Variants in NES observed in about 807,000 individuals in gnomAD.
The protein encoded by NES is nestin.
Under a neutral mutation model 35.6 loss-of-function variants are expected in NES, and 27 were observed. The ratio of observed to expected loss-of-function variants is 0.76; its 90% CI spans 0.56 to 1.04. NES has a LOEUF of 1.04. Ranked by LOEUF, NES falls within the 50% of genes least tolerant of loss-of-function variation. The pLI is 0.00. For missense variants in NES, 1,867 were observed against 1,983.6 expected, an observed-to-expected ratio of 0.94 and a Z score of 1.12; for synonymous variants, 822 against 824.2, an observed-to-expected ratio of 1.00 and a Z score of 0.04.
chr1:156,671,853 G>A lies in NES; in HGVS notation c.2335C>T (p.Pro779Ser). 6.2e-7 allele frequency: 1 copy of A among 1,613,826 alleles called. No individual in the cohort carries two copies. The highest frequency in any genetic ancestry group is 1.3e-5 in the African/African-American group (1 of 74,970). The change falls in exon 4 of 4, where the codon CCC becomes TCC. Residue 779 changes from proline to serine, a missense_variant. Coordinates refer to ENST00000368223, the MANE Select transcript of NES (RefSeq NM_006617.2). Reference protein sequence around the residue: ...LGEQDQMTLRPPEKVDLEPLK... With the variant: ...LGEQDQMTLRSPEKVDLEPLK... ...GGTTCTAGATCCACTTTTTCTGGGG[G>A]TCTTAATGTCATCTGATCCTGTTCC...
In NES at chr1:156,677,019, G is replaced by A; in HGVS notation, c.246C>T (p.Asp82=). ...REKHAAEVAR[D]NLAEELEGVA... ...CGCCCTCCAGCTCTTCAGCCAGGTTGTCGCGCGCCACCTCGGCCGCGTGCT... is the reference window on the plus strand; with the variant it reads ...CGCCCTCCAGCTCTTCAGCCAGGTTATCGCGCGCCACCTCGGCCGCGTGCT... The change falls in exon 1 of 4, where the codon GAC becomes GAT. Residue 82 remains aspartate (D), a synonymous_variant. Coordinates refer to ENST00000368223, the MANE Select transcript of NES (RefSeq NM_006617.2). This position sits in a 1 kb window ranked among gnomAD's most constrained non-coding sequence, Gnocchi z 4.5. 6.3e-7 allele frequency: 1 copy of A among 1,586,500 alleles called. No homozygotes were observed. The highest frequency in any genetic ancestry group is 1.1e-5 in the South Asian group (1 of 88,504).
rs1248072267 is a variant in NES at position 156,672,831 on chromosome 1, C to G, written c.1357G>C (p.Glu453Gln). 1 of 1,613,778 alleles carries G rather than the reference C, an allele frequency of 6.2e-7. No individual in the cohort carries two copies. The highest frequency in any genetic ancestry group is 8.5e-7 in the Non-Finnish European group (1 of 1,180,038). Residue 453 changes from glutamate (E) to glutamine (Q), a missense_variant, in exon 4 of 4, where the codon GAG becomes CAG. Transcript: ENST00000368223. ...TCTGGGGACTGGCCTGTACTGGCCTCTTGCCGCTGGCCCCCAGGCTCCTCT... is the reference window on the plus strand; with the variant it reads ...TCTGGGGACTGGCCTGTACTGGCCTGTTGCCGCTGGCCCCCAGGCTCCTCT... Reference protein sequence around the residue: ...GPEEPGGQRQEASTGQSPEDH... With the variant: ...GPEEPGGQRQQASTGQSPEDH...
At chr1:156,675,436 C>T in intron 1 of NES, 96 bp from the exon 2 acceptor site, 1 of 1,400,358 alleles carries the variant, frequency 7.1e-7, no homozygotes, top group East Asian at 2.4e-5. Context: ...GGAAGCACCT[C>T]CTGCTCCCTG....
At chr1:156,673,775 G>A (rs1473447587) in intron 2 of NES, among the ~76,000 whole-genome samples, 2 of 152,114 alleles carry the variant, frequency 1.3e-5, no homozygotes, top group Non-Finnish European at 2.9e-5. Context: ...AGACATAGAA[G>A]CAGATTCCCA....
In NES at chr1:156,672,082, A is replaced by G. The variant is rs771435441; in HGVS notation, c.2106T>C (p.Ser702=). 2.5e-6 allele frequency: 4 copies of G among 1,612,206 alleles called. No homozygotes were observed. The highest frequency in any genetic ancestry group is 3.4e-6 in the Non-Finnish European group (4 of 1,179,662). The change falls in exon 4 of 4, where the codon TCT becomes TCC. Residue 702 remains serine, a synonymous_variant. Coordinates refer to ENST00000368223, the MANE Select transcript of NES (RefSeq NM_006617.2). ...AGGCCTCTTTGTTCTCATCTTCAAG[A>G]GACCTCAGGGGTTCCTGATTCTCCT... The part of the protein sequence containing the change: ...LTKENQEPLR[S]LEDENKEAFR...
In NES at chr1:156,669,701, G is replaced by A; in HGVS notation, c.4487C>T (p.Ser1496Phe). 1.2e-6 allele frequency: 2 copies of A among 1,613,984 alleles called. No homozygotes were observed. The highest frequency in any genetic ancestry group is 1.7e-6 in the Non-Finnish European group (2 of 1,179,892). The change falls in exon 4 of 4, where the codon TCT (serine) becomes TTT (phenylalanine). Residue 1496 changes from serine to phenylalanine, a missense_variant. Physicochemically the swap from Ser to Phe is radical, Grantham distance 155. Coordinates refer to ENST00000368223, the MANE Select transcript of NES (RefSeq NM_006617.2). Reference sequence around the variant, plus strand: ...AGGGTCAGACTCTTCCTCTGAGCCAGAAGGCTCAGCACTGTCCTGGGACTC... The same window carrying A: ...AGGGTCAGACTCTTCCTCTGAGCCAAAAGGCTCAGCACTGTCCTGGGACTC... ...ETESQDSAEP[S>F]GSEEESDPVS...
At position 156,670,860 on chromosome 1, in the gene NES, C is replaced by CG; in HGVS notation, c.3327_3328insC (p.Asp1110ArgfsTer32). The stretch of plus-strand genomic sequence containing the variant: ...TCTTCCCTGGTCAGATGGCCTGGGT[C>CG]CCCCAGCCCTCCCACCCCCTGCCCC... On this transcript the variant is annotated frameshift_variant, in exon 4 of 4. Coordinates refer to ENST00000368223, the MANE Select transcript of NES (RefSeq NM_006617.2). LOFTEE classifies it low-confidence loss of function (END_TRUNC). 3.1e-6 allele frequency: 5 copies of CG among 1,610,526 alleles called. No homozygotes were observed. Among genetic ancestry groups the CG allele is most frequent in the Non-Finnish European group, 4.2e-6 (5 of 1,177,540 alleles).
chr1:156,673,189 C>T lies in NES; in HGVS notation c.999G>A (p.Leu333=). 1 of 1,519,318 alleles carries T rather than the reference C, an allele frequency of 6.6e-7. No homozygotes were observed. Among genetic ancestry groups the T allele is most frequent in the Non-Finnish European group, 8.8e-7 (1 of 1,133,552 alleles). The allele number at this position is 1,519,318 out of a possible 1,614,324, so 94.1% of individuals were successfully genotyped here. ...SLSFQDPKLE[L]QFPRTPEGRR... ...GGCCCTCTGGGGTCCTAGGGAATTG[C>T]AGCTCCAGCTTGGGGTCTGGAAAGG... Residue 333 remains leucine (L), a synonymous_variant, in exon 4 of 4, where the codon CTG becomes CTA. Transcript: ENST00000368223.
rs1274185017 is a variant in NES, at chr1:156,672,905, A to G, written c.1283T>C (p.Leu428Pro). 27 of 1,613,796 alleles carry G rather than the reference A, an allele frequency of 1.7e-5. No individual in the cohort carries two copies. The highest frequency in any genetic ancestry group is 2.2e-5 in the Non-Finnish European group (26 of 1,180,028). ...QGGRKQAPEPLRAEARVAIPA... is the reference protein window; with the variant it reads ...QGGRKQAPEPPRAEARVAIPA... ...AATGGCCACCCTGGCTTCAGCCCGC[A>G]GGGGCTCTGGAGCCTGTTTCCTCCC... is the stretch of plus-strand genomic sequence containing the variant. Residue 428 changes from leucine (L) to proline (P), a missense_variant, in exon 4 of 4, where the codon CTG (leucine) becomes CCG (proline). By Grantham distance (98) the Leu-to-Pro change is moderately conservative (BLOSUM62 -3). Coordinates refer to ENST00000368223, the MANE Select transcript of NES (RefSeq NM_006617.2).
In NES at chr1:156,672,918, C is replaced by A. The variant is rs1207036665; in HGVS notation, c.1270G>T (p.Ala424Ser). The A allele has an allele frequency of 6.2e-7, 1 of 1,614,024 alleles. No homozygotes were observed. The highest frequency in any genetic ancestry group is 8.5e-7 in the Non-Finnish European group (1 of 1,180,022). Residue 424 changes from alanine (A) to serine (S), a missense_variant, in exon 4 of 4, where the codon GCT (alanine) becomes TCT (serine). Coordinates refer to ENST00000368223, the MANE Select transcript of NES (RefSeq NM_006617.2). The stretch of plus-strand genomic sequence containing the variant: ...GCTTCAGCCCGCAGGGGCTCTGGAG[C>A]CTGTTTCCTCCCACCCTGTGTCTGG... ...LLQTQGGRKQ[A>S]PEPLRAEARV...
rs1273547545 is a variant in NES, at chr1:156,670,413, C to A, written c.3775G>T (p.Val1259Leu). The A allele has an allele frequency of 6.4e-7, 1 of 1,573,346 alleles. No individual in the cohort carries two copies. Among genetic ancestry groups the A allele is most frequent in the African/African-American group, 1.4e-5 (1 of 73,644 alleles). Residue 1259 changes from valine (V) to leucine (L), a missense_variant, in exon 4 of 4, where the codon GTA (valine) becomes TTA (leucine). Physicochemically the swap from Val to Leu is conservative, Grantham distance 32 (BLOSUM62 1). Transcript: ENST00000368223. ...VQGRAEALGK[V>L]ESEQEELGSG... The stretch of plus-strand genomic sequence containing the variant: ...CCCAACTCCTCCTGCTCGCTCTCTA[C>A]TTTCCCCAGGGCTTCAGCCCTCCCC...
rs762235464 is a variant in NES, at chr1:156,672,836, C to T, written c.1352G>A (p.Arg451Gln). The stretch of plus-strand genomic sequence containing the variant: ...GGACTGGCCTGTACTGGCCTCTTGC[C>T]GCTGGCCCCCAGGCTCCTCTGGTCC... ...LPGPEEPGGQ[R>Q]QEASTGQSPE... The change falls in exon 4 of 4, where the codon CGG becomes CAG. Residue 451 changes from arginine (R) to glutamine (Q), a missense_variant. Physicochemically the swap from Arg to Gln is conservative, Grantham distance 43 (BLOSUM62 1). Transcript: ENST00000368223. 1.1e-5 allele frequency: 17 copies of T among 1,613,764 alleles called. No homozygotes were observed. Among genetic ancestry groups the T allele is most frequent in the East Asian group, 4.5e-5 (2 of 44,890 alleles).
rs771427182 is a variant in NES, at chr1:156,669,465, G to A, written c.4723C>T (p.Arg1575Ter). 14 of 1,612,846 alleles carry A rather than the reference G, an allele frequency of 8.7e-6. No homozygotes were observed. Among genetic ancestry groups the A allele is most frequent in the South Asian group, 2.2e-5 (2 of 90,954 alleles). ...QGMPLVSEGDRGSPFQEEEGS... is the reference protein window; with the variant it reads ...QGMPLVSEGD ...TCCTCCTCCTGAAAGGGGCTCCCTCGGTCTCCCTCAGAGACTAGCGGCATT... is the reference window on the plus strand; with the variant it reads ...TCCTCCTCCTGAAAGGGGCTCCCTCAGTCTCCCTCAGAGACTAGCGGCATT... The change falls in exon 4 of 4, where the codon CGA becomes TGA. Residue 1575 changes from arginine (R) to a stop codon, truncating the protein, a stop_gained. Coordinates refer to ENST00000368223, the MANE Select transcript of NES (RefSeq NM_006617.2). LOFTEE classifies it low-confidence loss of function (END_TRUNC).
Position 156,672,821 on chromosome 1 carries a change from G to T in NES, c.1367C>A (p.Thr456Lys). ...EPGGQRQEAS[T>K]GQSPEDHASL... is the part of the protein sequence containing the mutation. The stretch of plus-strand genomic sequence containing the variant: ...GGCATGGTCCTCTGGGGACTGGCCT[G>T]TACTGGCCTCTTGCCGCTGGCCCCC... The change falls in exon 4 of 4, where the codon ACA (threonine) becomes AAA (lysine). Residue 456 changes from threonine (T) to lysine (K), a missense_variant. Transcript: ENST00000368223. 6.2e-7 allele frequency: 1 copy of T among 1,613,826 alleles called. No individual in the cohort carries two copies. The highest frequency in any genetic ancestry group is 8.5e-7 in the Non-Finnish European group (1 of 1,180,040).
rs760452944 is a variant in NES, at chr1:156,677,272, G to C, written c.-8C>G. ...CCCCATGCAGCCCTCCATCCTGCTC[G>C]TCTGACCCACTGAGGATGGACAGAC... On this transcript the variant is annotated 5_prime_UTR_variant, in exon 1 of 4. Transcript: ENST00000368223. This position sits in a 1 kb window ranked among gnomAD's most constrained non-coding sequence, Gnocchi z 4.5. The C allele has an allele frequency of 6.2e-7, 1 of 1,607,524 alleles. No homozygotes were observed. The highest frequency in any genetic ancestry group is 1.7e-5 in the Admixed American group (1 of 58,794).
At chr1:156,674,447 C>T (rs1679798311) in intron 2 of NES, among the ~76,000 whole-genome samples, 2 of 152,176 alleles carry the variant, frequency 1.3e-5, no homozygotes, top group African/African-American at 4.8e-5. Context: ...GCCTCACTGA[C>T]CTTCCATCTC....
Position 156,677,056 on chromosome 1 carries a change from C to G in NES, c.209G>C (p.Arg70Pro). 2 of 1,596,652 alleles carry G rather than the reference C, an allele frequency of 1.3e-6. No homozygotes were observed. The highest frequency in any genetic ancestry group is 8.5e-7 in the Non-Finnish European group (1 of 1,173,778). The change falls in exon 1 of 4, where the codon CGC (arginine) becomes CCC (proline). Residue 70 changes from arginine (R) to proline (P), a missense_variant. By Grantham distance (103) the Arg-to-Pro change is moderately radical. Coordinates refer to ENST00000368223, the MANE Select transcript of NES (RefSeq NM_006617.2). The surrounding 1 kb of genome is among the most constrained non-coding windows in gnomAD (Gnocchi z 4.5). ...LAALRALVDQRWREKHAAEVA... is the reference protein window; with the variant it reads ...LAALRALVDQPWREKHAAEVA... The stretch of plus-strand genomic sequence containing the variant: ...CTCGGCCGCGTGCTTCTCCCGCCAG[C>G]GTTGGTCAACGAGGGCCCGCAGGGC...
rs1477899800 is a variant in NES at position 156,672,085 on chromosome 1, C to T, written c.2103G>A (p.Arg701=). 1.2e-6 allele frequency: 2 copies of T among 1,611,454 alleles called. No individual in the cohort carries two copies. Among genetic ancestry groups the T allele is most frequent in the Admixed American group, 1.7e-5 (1 of 59,348 alleles). The change falls in exon 4 of 4, where the codon AGG becomes AGA. Residue 701 remains arginine, a synonymous_variant. Transcript: ENST00000368223. The stretch of plus-strand genomic sequence containing the variant: ...CCTCTTTGTTCTCATCTTCAAGAGA[C>T]CTCAGGGGTTCCTGATTCTCCTTTG... The part of the protein sequence containing the change: ...PLTKENQEPL[R]SLEDENKEAF...
Position 156,676,904 on chromosome 1 carries a change from A to T in NES, c.361T>A (p.Cys121Ser). 6.4e-7 allele frequency: 1 copy of T among 1,553,066 alleles called. No homozygotes were observed. Among genetic ancestry groups the T allele is most frequent in the Middle Eastern group, 1.8e-4 (1 of 5,528 alleles). The change falls in exon 1 of 4, where the codon TGC becomes AGC. Residue 121 changes from cysteine to serine, a missense_variant. Coordinates refer to ENST00000368223, the MANE Select transcript of NES (RefSeq NM_006617.2). The surrounding 1 kb of genome is among the most constrained non-coding windows in gnomAD (Gnocchi z 5.3). ...RNRRAVEAEK[C>S]ARAWLSSQVA... ...TGGCTACTCAGCCAGGCCCGGGCGCATTTCTCTGCCTCGACGGCGCGCCGG... is the reference window on the plus strand; with the variant it reads ...TGGCTACTCAGCCAGGCCCGGGCGCTTTTCTCTGCCTCGACGGCGCGCCGG...
Sources: gnomAD v4.1 joint callset for allele counts (sites outside exome capture counted in the v4.1 genomes callset) on GRCh38, gnomAD v4.1.1 for gene constraint, Gnocchi (gnomAD v3.1) non-coding constraint, MANE v1.5 for transcripts, NCBI Gene and HGNC (gene_info 2026-07-23, HGNC 2026-07-21) for gene names.